STPG2: variants seen among roughly 807,000 people sequenced by gnomAD.
STPG2 encodes sperm tail PG-rich repeat containing 2, also known as sperm-tail PG-rich repeat-containing protein 2.
A neutral mutation model predicts 54.2 loss-of-function variants in STPG2; 56 were observed. The ratio of observed to expected loss-of-function variants is 1.03; its 90% CI spans 0.83 to 1.29. The LOEUF is 1.29. STPG2 is among the 50% of genes most tolerant of loss of function. The pLI is 0.00. For synonymous variants in STPG2, 200 were observed against 181.8 expected (o/e 1.10, Z -0.81); for missense variants, 596 against 544.9 (o/e 1.09, Z -0.93).
rs1181756044 is a variant in STPG2 at position 97,954,401 on chromosome 4, C to A, written c.934-10394G>T. On this transcript the variant is annotated intron_variant, in intron 7 of 10. Transcript: ENST00000295268. ...AGCCTGGCAGAGAAATGCTGCTAAGCAACTGTGTCTTCTTGGGCCAGAATG... is the reference window on the plus strand; with the variant it reads ...AGCCTGGCAGAGAAATGCTGCTAAGAAACTGTGTCTTCTTGGGCCAGAATG... 3.3e-5 allele frequency among the ~76,000 whole-genome samples: 5 copies of A among 152,156 alleles called. 1 individual carries two copies. In the South Asian group the frequency reaches 6.2e-4, roughly 19 times the overall value.
chr4:97,569,528 C>CA (rs59188303), intron 10 of STPG2, among the ~76,000 whole-genome samples: 2,599 of 152,192 alleles, frequency 0.017, 66 homozygotes, highest in African/African-American at 0.058. Flanking sequence ...CGCCTCGATT[C>CA]AAAGGCCTCT....
chr4:97,799,840 C>G (rs1727324000), intron 9 of STPG2, among the ~76,000 whole-genome samples: 2 of 152,156 alleles, frequency 1.3e-5, no homozygotes, highest in South Asian at 4.1e-4. Context: ...TAGATTTGGT[C>G]TTTTCACATA....
At chr4:97,936,226 C>T (rs1328368293) in intron 8 of STPG2, among the ~76,000 whole-genome samples, 2 of 152,086 alleles carry the variant, frequency 1.3e-5, no homozygotes, top group African/African-American at 4.8e-5. Flanking sequence ...TTACCATTTG[C>T]TTGGTAAATT....
intron 4 of STPG2, among the ~76,000 whole-genome samples, chr4:97,461,583 T>G (rs1457799059): frequency 1.3e-5 from 2 of 152,164 alleles, no homozygotes; most frequent in East Asian, 1.9e-4. Flanking sequence ...GGATCTCAGA[T>G]TTCTAGCAAA....
At chr4:97,874,568 A>G (rs1730106981) in intron 8 of STPG2, among the ~76,000 whole-genome samples, 1 of 151,808 alleles carries the variant, frequency 6.6e-6, no homozygotes, top group South Asian at 2.1e-4. Flanking sequence ...CTAGGGCTAT[A>G]TATAAGTTTG....
intron 4 of STPG2, among the ~76,000 whole-genome samples, chr4:97,490,363 C>T (rs1333420648): frequency 6.6e-6 from 1 of 151,550 alleles, no homozygotes; most frequent in African/African-American, 2.4e-5. Flanking sequence ...AACCTCTCTT[C>T]AGCCATTGGC....
chr4:97,528,100 T>A (rs950575633), intron 4 of STPG2, among the ~76,000 whole-genome samples: 1 of 152,200 alleles, frequency 6.6e-6, no homozygotes, highest in Non-Finnish European at 1.5e-5. Flanking sequence ...TCATATTCCC[T>A]ACATTTTCTT....
rs550690764 is a variant in STPG2, at chr4:97,925,526, T to C, written c.1044+18371A>G. On this transcript the variant is annotated intron_variant, in intron 8 of 10. Transcript: ENST00000295268. ...ACTGATGGCCCTGCAGTAAGAAAAT[T>C]TATTATAATGTGCTGTCTCCCATCA... Among the ~76,000 whole-genome samples the C allele has an allele frequency of 7.9e-5, 12 of 152,316 alleles. No homozygotes were observed. The South Asian group carries it at 1.4e-3, about 18-fold the overall frequency.
At chr4:97,470,081 T>C (rs1279262489) in intron 4 of STPG2, among the ~76,000 whole-genome samples, 2 of 152,116 alleles carry the variant, frequency 1.3e-5, no homozygotes, top group Non-Finnish European at 2.9e-5. Context: ...TGATTGTAGA[T>C]GGTTTATGCT....
chr4:97,516,641 G>T lies in STPG2; in HGVS notation c.462+196058C>A, dbSNP rs562055462. 3.9e-5 allele frequency among the ~76,000 whole-genome samples: 6 copies of T among 151,952 alleles called. No individual in the cohort carries two copies. In the East Asian group the frequency reaches 1.2e-3, roughly 30 times the overall value. On this transcript the variant is annotated intron_variant, in intron 4 of 4. Transcript: ENST00000522676. ...AGTTTGAGACCAGTCTGGACAACATGGGGAAAACCCTGTCTTTACTAAAAA... is the reference window on the plus strand; with the variant it reads ...AGTTTGAGACCAGTCTGGACAACATTGGGAAAACCCTGTCTTTACTAAAAA...
intron 9 of STPG2, among the ~76,000 whole-genome samples, chr4:97,740,442 T>C (rs1725185149): frequency 6.6e-6 from 1 of 152,154 alleles, no homozygotes; most frequent in Admixed American, 6.5e-5. Context: ...GCAGATGACA[T>C]GATTGTATAT....
chr4:97,991,377 G>GTA lies in STPG2; in HGVS notation c.613-10061_613-10060dup, dbSNP rs571892300. The stretch of plus-strand genomic sequence containing the variant: ...ATGTGTGTGTGGTGTATATATATAT[G>GTA]TATATATATGTGTATATATATGTGT... On this transcript the variant is annotated intron_variant, in intron 5 of 10. Transcript: ENST00000295268. Among the ~76,000 whole-genome samples the GTA allele has an allele frequency of 2.1e-3, 310 of 145,076 alleles. 1 individual carries two copies. Among genetic ancestry groups the GTA allele is most frequent in the Non-Finnish European group, 3.0e-3 (197 of 66,010 alleles).
intron 5 of STPG2, among the ~76,000 whole-genome samples, chr4:98,062,391 C>A (rs1450979282): frequency 6.6e-6 from 1 of 151,986 alleles, no homozygotes; most frequent in Non-Finnish European, 1.5e-5. Context: ...ATGCAACAAA[C>A]CCCCATGACA....
At chr4:97,626,472 C>T (rs1430354824) in intron 10 of STPG2, among the ~76,000 whole-genome samples, 1 of 152,126 alleles carries the variant, frequency 6.6e-6, no homozygotes, top group African/African-American at 2.4e-5. Flanking sequence ...GTACACTTCA[C>T]CCCTTTGTAC....
intron 7 of STPG2, among the ~76,000 whole-genome samples, chr4:97,961,152 G>C (rs571629350): frequency 6.7e-6 from 1 of 150,304 alleles, no homozygotes; most frequent in East Asian, 1.9e-4. Flanking sequence ...CCAAATGTAG[G>C]AGAATGAAAC....
At chr4:97,854,984 C>T (rs1010220243) in intron 8 of STPG2, among the ~76,000 whole-genome samples, 6 of 152,152 alleles carry the variant, frequency 3.9e-5, no homozygotes, top group South Asian at 4.1e-4. Context: ...CTCCCACTTA[C>T]AAGTGAGAAC....
chr4:97,864,819 C>G (rs1432051450), intron 8 of STPG2, among the ~76,000 whole-genome samples: 1 of 152,058 alleles, frequency 6.6e-6, no homozygotes, highest in Admixed American at 6.6e-5. Flanking sequence ...TTTGACAAAC[C>G]TGACACAAAC....
intron 4 of STPG2, among the ~76,000 whole-genome samples, chr4:97,486,745 T>A (rs1186214542): frequency 6.6e-6 from 1 of 151,070 alleles, no homozygotes; most frequent in Non-Finnish European, 1.5e-5. Flanking sequence ...AATTCGCAAT[T>A]GCAAAATCAT....
In STPG2 at chr4:97,937,071, G is replaced by C. The variant is rs115900874; in HGVS notation, c.1044+6826C>G. 7.7e-3 allele frequency among the ~76,000 whole-genome samples: 1,166 copies of C among 151,920 alleles called. 14 individuals carry two copies. The highest frequency in any genetic ancestry group is 0.025 in the African/African-American group (1,029 of 41,422). ...CCCAAGGTTCTTGGGGGTTTTGTTT[G>C]TTCCTTTTAATTCTTTTTTCTCTAA... On this transcript the variant is annotated intron_variant, in intron 8 of 10. Coordinates refer to ENST00000295268, the MANE Select transcript of STPG2 (RefSeq NM_174952.3).
Sources: gnomAD v4.1 joint callset for allele counts (sites outside exome capture counted in the v4.1 genomes callset) on GRCh38, gnomAD v4.1.1 for gene constraint, MANE v1.5 for transcripts, NCBI Gene and HGNC (gene_info 2026-07-23, HGNC 2026-07-21) for gene names.